Variants in SRRM4 observed in about 807,000 individuals in gnomAD.
SRRM4 encodes serine/arginine repetitive matrix 4.
In SRRM4, 33 loss-of-function variants were observed where a neutral mutation model predicts 68.9. The ratio of observed to expected loss-of-function variants is 0.48; its 90% CI spans 0.36 to 0.64. SRRM4 has a LOEUF of 0.64. Among genes scored for constraint, SRRM4 ranks in the 30% least tolerant of loss-of-function variants. The pLI, the probability that SRRM4 is intolerant of heterozygous loss-of-function variation, is 0.00. For synonymous variants in SRRM4, 318 were observed against 318.8 expected (o/e 1.00, Z 0.03); for missense variants, 817 against 827.1 (o/e 0.99, Z 0.15).
intron 1 of SRRM4, among the ~76,000 whole-genome samples, chr12:119,023,980 C>T (rs1953531757): frequency 6.6e-6 from 1 of 151,594 alleles, no homozygotes; most frequent in Admixed American, 6.6e-5. Flanking sequence ...GAGACCCTTC[C>T]TGTAATTCTC....
intron 1 of SRRM4, among the ~76,000 whole-genome samples, chr12:119,060,093 C>T (rs1953801388): frequency 6.7e-6 from 1 of 149,532 alleles, no homozygotes. Flanking sequence ...CCCACTTTTC[C>T]AGATCTCAGT....
intron 2 of SRRM4, among the ~76,000 whole-genome samples, chr12:119,109,539 A>G (rs1407370020): frequency 6.6e-6 from 1 of 151,788 alleles, no homozygotes; most frequent in Admixed American, 6.6e-5. Flanking sequence ...TTTTCTCTAA[A>G]CTTCTCTTCT....
intron 1 of SRRM4, among the ~76,000 whole-genome samples, chr12:119,052,439 G>A (rs1230413398): frequency 1.3e-5 from 2 of 152,136 alleles, no homozygotes; most frequent in African/African-American, 4.8e-5. Flanking sequence ...TTCTTTTATA[G>A]CTTAGTTTAA....
At chr12:119,047,460 T>C (rs907712475) in intron 1 of SRRM4, among the ~76,000 whole-genome samples, 4 of 152,172 alleles carry the variant, frequency 2.6e-5, no homozygotes, top group African/African-American at 9.7e-5. Context: ...GTACCCAATG[T>C]GTAGTCTTTT....
chr12:119,014,372 T>C (rs1326840978), intron 1 of SRRM4, among the ~76,000 whole-genome samples: 6 of 152,122 alleles, frequency 3.9e-5, no homozygotes, highest in African/African-American at 1.4e-4. Flanking sequence ...CGGGATTTTA[T>C]CTCCTTCCCC....
At chr12:118,991,809 G>T (rs1370807527) in intron 1 of SRRM4, 2 of 152,190 alleles carry the variant, frequency 1.3e-5, no homozygotes, top group Non-Finnish European at 2.9e-5. Flanking sequence ...AGTGGCTCAA[G>T]GTTGGTCATC....
intron 1 of SRRM4, among the ~76,000 whole-genome samples, chr12:119,033,192 C>A (rs1953603107): frequency 6.6e-6 from 1 of 152,084 alleles, no homozygotes; most frequent in South Asian, 2.1e-4. Flanking sequence ...AAACTTAGGG[C>A]AAATAATATA....
intron 6 of SRRM4, among the ~76,000 whole-genome samples, chr12:119,124,762 T>G (rs1328201270): frequency 1.3e-5 from 2 of 152,166 alleles, no homozygotes; most frequent in Non-Finnish European, 2.9e-5. Flanking sequence ...GGTCTGAGGT[T>G]GTAAATTGGC....
intron 1 of SRRM4, among the ~76,000 whole-genome samples, chr12:119,077,630 C>T (rs1953924327): frequency 6.6e-6 from 1 of 152,076 alleles, no homozygotes. Context: ...TCCTTTCTGA[C>T]TTCTGGTTCC....
intron 1 of SRRM4, among the ~76,000 whole-genome samples, chr12:119,061,190 C>T (rs1227306068): frequency 6.6e-6 from 1 of 152,194 alleles, no homozygotes; most frequent in Non-Finnish European, 1.5e-5. Flanking sequence ...TGTCAAGCCC[C>T]AGACCGAAAA....
At chr12:119,062,591 T>A (rs1333411897) in intron 1 of SRRM4, among the ~76,000 whole-genome samples, 1 of 152,244 alleles carries the variant, frequency 6.6e-6, no homozygotes, top group Non-Finnish European at 1.5e-5. Flanking sequence ...CTTTTTAAAC[T>A]TTTTTCAGCT....
At chr12:118,992,507 GT>G (rs1456012017) in intron 1 of SRRM4, among the ~76,000 whole-genome samples, 2 of 152,230 alleles carry the variant, frequency 1.3e-5, no homozygotes, top group African/African-American at 4.8e-5. Context: ...TTTGGCCAGT[GT>G]TTTGCCCCAG....
intron 4 of SRRM4, among the ~76,000 whole-genome samples, chr12:119,118,159 G>A (rs1954193243): frequency 6.6e-6 from 1 of 152,196 alleles, no homozygotes; most frequent in African/African-American, 2.4e-5. Flanking sequence ...GACCTGTCCA[G>A]CCTGCTCTAC....
At chr12:119,131,996 C>T (rs1353039922) in intron 8 of SRRM4, among the ~76,000 whole-genome samples, 1 of 152,134 alleles carries the variant, frequency 6.6e-6, no homozygotes, top group Non-Finnish European at 1.5e-5. Flanking sequence ...GCCTGGTTGA[C>T]ACAATAATTA....
chr12:119,075,344 G>T (rs1592888003), intron 1 of SRRM4, among the ~76,000 whole-genome samples: 1 of 152,034 alleles, frequency 6.6e-6, no homozygotes, highest in Non-Finnish European at 1.5e-5. Context: ...ATGGGATCTG[G>T]ACTGGATGAT....
chr12:119,022,253 C>G (rs1426522931), intron 1 of SRRM4, among the ~76,000 whole-genome samples: 4 of 151,970 alleles, frequency 2.6e-5, no homozygotes, highest in East Asian at 1.9e-4. Context: ...GATAGACAAG[C>G]CTACACTTGA....
chr12:119,066,303 T>C (rs979057947), intron 1 of SRRM4, among the ~76,000 whole-genome samples: 1 of 152,188 alleles, frequency 6.6e-6, no homozygotes, highest in Admixed American at 6.5e-5. Flanking sequence ...GTGTTGACAT[T>C]ACCAATCCCA....
chr12:119,072,824 C>T (rs1565902122), intron 1 of SRRM4, among the ~76,000 whole-genome samples: 1 of 152,194 alleles, frequency 6.6e-6, no homozygotes, highest in African/African-American at 2.4e-5. Context: ...CTCACAATTG[C>T]CCTGTGAGTT....
chr12:119,136,046 CTTGGGACAT>C (rs1408575566), intron 8 of SRRM4, among the ~76,000 whole-genome samples: 1 of 152,194 alleles, frequency 6.6e-6, no homozygotes, highest in African/African-American at 2.4e-5. Context: ...TATCCCAATG[CTTGGGACAT>C]AACCCTCAAA....
Sources: allele counts gnomAD v4.1 joint callset (sites outside exome capture counted in the v4.1 genomes callset), GRCh38; gene constraint gnomAD v4.1.1; transcripts MANE v1.5; gene names NCBI Gene and HGNC (gene_info 2026-07-23, HGNC 2026-07-21).